The following IFTAP variants were observed in gnomAD, a reference collection of about 807,000 sequenced individuals.
The protein encoded by IFTAP is intraflagellar transport associated protein.
IFTAP carries 19 observed loss-of-function variants against 19.4 expected under a neutral mutation model. The observed-to-expected ratio is 0.98, with a 90% CI of 0.68 to 1.44. The LOEUF is 1.44. Among genes scored for constraint, IFTAP ranks in the 40% most tolerant of loss-of-function variants. The probability of loss-of-function intolerance (pLI) is 0.00; values close to 1 mark genes in which losing one functional copy is unlikely to be tolerated. For missense variants in IFTAP, 240 were observed against 253.6 expected (o/e 0.95, Z 0.36); for synonymous variants, 85 against 83.5 (o/e 1.02, Z -0.10).
At chr11:36,636,956 G>A (rs899938775) in intron 4 of IFTAP, among the ~76,000 whole-genome samples, 1 of 146,282 alleles carries the variant, frequency 6.8e-6, no homozygotes, top group African/African-American at 2.5e-5. Flanking sequence ...ACTCATTCCT[G>A]ATTTAACATG....
At chr11:36,625,734 T>A (rs1417114741) in intron 2 of IFTAP, among the ~76,000 whole-genome samples, 2 of 152,156 alleles carry the variant, frequency 1.3e-5, no homozygotes, top group Admixed American at 1.3e-4. Flanking sequence ...AGGGGGAAAC[T>A]GAAATTTGTA....
At chr11:36,600,970 A>G (rs892692104) in intron 1 of IFTAP, among the ~76,000 whole-genome samples, 4 of 152,194 alleles carry the variant, frequency 2.6e-5, no homozygotes, top group Non-Finnish European at 2.9e-5. Flanking sequence ...CAAGGGTAAC[A>G]CAGCTGCAGT....
intron 2 of IFTAP, among the ~76,000 whole-genome samples, chr11:36,616,117 C>T (rs1262699569): frequency 1.3e-5 from 2 of 151,904 alleles, no homozygotes; most frequent in Admixed American, 6.6e-5. Context: ...CGGTAACTGT[C>T]GGGAGTTACA....
At chr11:36,621,604 G>A (rs530775023) in intron 2 of IFTAP, among the ~76,000 whole-genome samples, 1 of 152,090 alleles carries the variant, frequency 6.6e-6, no homozygotes, top group South Asian at 2.1e-4. Context: ...GTTGTAGGGA[G>A]TCATCTGAGT....
intron 1 of IFTAP, among the ~76,000 whole-genome samples, chr11:36,600,355 C>T (rs1439875031): frequency 6.6e-6 from 1 of 152,220 alleles, no homozygotes. Context: ...GGAGGTGAGC[C>T]GCAGGCCGGC....
intron 1 of IFTAP, among the ~76,000 whole-genome samples, chr11:36,599,528 A>G (rs911381979): frequency 6.6e-6 from 1 of 152,234 alleles, no homozygotes; most frequent in Admixed American, 6.5e-5. Context: ...TAAAATGTCT[A>G]TAGAATGTAC....
chr11:36,599,627 A>T (rs1007447870), intron 1 of IFTAP, among the ~76,000 whole-genome samples: 1 of 151,694 alleles, frequency 6.6e-6, no homozygotes, highest in Admixed American at 6.6e-5. Flanking sequence ...ATTTTAGTGT[A>T]TATTTTCAGG....
intron 5 of IFTAP, among the ~76,000 whole-genome samples, chr11:36,656,310 C>A (rs1590241004): frequency 6.6e-6 from 1 of 152,204 alleles, no homozygotes; most frequent in South Asian, 2.1e-4. Flanking sequence ...TGGCTCATGC[C>A]TGTAATCCCA....
At chr11:36,648,214 T>C (rs1853571152) in intron 5 of IFTAP, 59 bp downstream of exon 5, 1 of 1,563,300 alleles carries the variant, frequency 6.4e-7, no homozygotes, top group South Asian at 1.2e-5. Flanking sequence ...ATTCATCCCT[T>C]CAAAGAAATG....
chr11:36,648,609 G>A (rs954693082), intron 5 of IFTAP, among the ~76,000 whole-genome samples: 5 of 152,100 alleles, frequency 3.3e-5, no homozygotes, highest in African/African-American at 7.2e-5. Context: ...AGCCTATATA[G>A]AGCCCTTAAA....
intron 3 of IFTAP, among the ~76,000 whole-genome samples, chr11:36,634,185 C>T (rs1318839375): frequency 6.6e-6 from 1 of 152,084 alleles, no homozygotes; most frequent in Non-Finnish European, 1.5e-5. Flanking sequence ...CTGGCAATGA[C>T]TGACCATTGG....
chr11:36,606,011 C>G lies in IFTAP; in HGVS notation c.-23-4070C>G, dbSNP rs191922068. Among the ~76,000 whole-genome samples the G allele has an allele frequency of 5.9e-5, 9 of 152,278 alleles. No homozygotes were observed. In the East Asian group the frequency reaches 1.7e-3, roughly 29 times the overall value. ...GGATTTGCATAAACCACTTGGCTGT[C>G]TGATAAGTCATTATCTGTTCTGTCA... On this transcript the variant is annotated intron_variant, in intron 1 of 5. Transcript: ENST00000334307.
At chr11:36,617,587 G>A (rs1228271205) in intron 2 of IFTAP, among the ~76,000 whole-genome samples, 1 of 151,964 alleles carries the variant, frequency 6.6e-6, no homozygotes, top group African/African-American at 2.4e-5. Context: ...CTGTTAAAAA[G>A]CAGGACTGTC....
intron 2 of IFTAP, among the ~76,000 whole-genome samples, chr11:36,614,032 A>G (rs1304658138): frequency 3.3e-5 from 5 of 151,598 alleles, no homozygotes; most frequent in African/African-American, 1.2e-4. Flanking sequence ...CTCCTCATCT[A>G]GCATTAGGTA....
intron 1 of IFTAP, among the ~76,000 whole-genome samples, chr11:36,602,489 G>A (rs1266677228): frequency 6.6e-6 from 1 of 152,080 alleles, no homozygotes; most frequent in Non-Finnish European, 1.5e-5. Flanking sequence ...CTTATATGAG[G>A]GTGGGATTAG....
At chr11:36,605,682 A>C (rs2133364992) in intron 1 of IFTAP, among the ~76,000 whole-genome samples, 1 of 152,300 alleles carries the variant, frequency 6.6e-6, no homozygotes, top group African/African-American at 2.4e-5. Context: ...GAAGTGTAGT[A>C]GTCCATGGAG....
At chr11:36,618,622 G>C (rs180989476) in intron 2 of IFTAP, among the ~76,000 whole-genome samples, 4 of 152,118 alleles carry the variant, frequency 2.6e-5, no homozygotes, top group Non-Finnish European at 5.9e-5. Context: ...CAGGCTGGCA[G>C]ACAGGAGGGC....
intron 4 of IFTAP, among the ~76,000 whole-genome samples, chr11:36,642,853 T>C (rs1252090579): frequency 6.6e-6 from 1 of 152,190 alleles, no homozygotes; most frequent in Non-Finnish European, 1.5e-5. Flanking sequence ...TGATGGGACA[T>C]ATCTCAAAAT....
chr11:36,602,252 A>T (rs187311223), intron 1 of IFTAP, among the ~76,000 whole-genome samples: 344 of 152,346 alleles, frequency 2.3e-3, no homozygotes, highest in Non-Finnish European at 3.6e-3. Flanking sequence ...TGAAACACTT[A>T]GAAATGAACT....
Sources: allele counts gnomAD v4.1 joint callset (sites outside exome capture counted in the v4.1 genomes callset), GRCh38; gene constraint gnomAD v4.1.1; transcripts MANE v1.5; gene names NCBI Gene and HGNC (gene_info 2026-07-23, HGNC 2026-07-21).